The following GABRB1 variants were observed in gnomAD, a reference collection of about 807,000 sequenced individuals.
The protein encoded by GABRB1 is gamma-aminobutyric acid type A receptor subunit beta1.
A neutral mutation model predicts 51.6 loss-of-function variants in GABRB1; 17 were observed. The observed-to-expected ratio is 0.33, with a 90% CI of 0.23 to 0.49. The LOEUF (loss-of-function observed/expected upper bound fraction) is 0.49, where lower values mean the gene tolerates loss of function less well. Ranked by LOEUF, GABRB1 falls within the 20% of genes least tolerant of loss-of-function variation. The pLI is 0.99. For synonymous variants in GABRB1, 247 were observed against 218.9 expected (o/e 1.13, Z -1.14); for missense variants, 410 against 600.6 (o/e 0.68, Z 3.32).
chr4:47,278,931 G>T (rs1723178827), intron 4 of GABRB1, among the ~76,000 whole-genome samples: 2 of 152,144 alleles, frequency 1.3e-5, no homozygotes, highest in South Asian at 4.1e-4. Context: ...CAGTGCACAA[G>T]CTGTACTTGT....
At chr4:47,130,625 G>A (rs752025328) in intron 3 of GABRB1, among the ~76,000 whole-genome samples, 18 of 151,984 alleles carry the variant, frequency 1.2e-4, no homozygotes, top group African/African-American at 3.6e-4. Flanking sequence ...CAGAGGAATA[G>A]TACCTCTCTT....
At chr4:47,294,284 G>A (rs918147489) in intron 4 of GABRB1, among the ~76,000 whole-genome samples, 3 of 152,308 alleles carry the variant, frequency 2.0e-5, no homozygotes, top group African/African-American at 4.8e-5. Context: ...CACTGTGCCC[G>A]AGCTGAAGCA....
intron 4 of GABRB1, among the ~76,000 whole-genome samples, chr4:47,183,345 C>CATAT (rs57840134): frequency 0.043 from 5,371 of 124,174 alleles, 115 homozygotes; most frequent in Non-Finnish European, 0.051. Flanking sequence ...TGTGTGTGTG[C>CATAT]ATATATATAT....
chr4:47,300,065 G>T (rs996932884), intron 4 of GABRB1, among the ~76,000 whole-genome samples: 1 of 124,396 alleles, frequency 8.0e-6, no homozygotes, highest in African/African-American at 3.0e-5. Context: ...ACAGGAAGGG[G>T]AACATCACAT....
chr4:47,031,482 T>A, upstream of GABRB1: 1 of 622,494 alleles, frequency 1.6e-6, no homozygotes, highest in East Asian at 2.7e-5. Context: ...GGGATTGAAA[T>A]CTGTTGCCTG....
At chr4:47,049,334 C>A (rs1454458767) in intron 3 of GABRB1, among the ~76,000 whole-genome samples, 8 of 152,062 alleles carry the variant, frequency 5.3e-5, no homozygotes, top group Non-Finnish European at 7.4e-5. Context: ...CTAATGGGGC[C>A]GTACGTCAAC....
chr4:47,293,504 C>T (rs1280023808), intron 4 of GABRB1, among the ~76,000 whole-genome samples: 1 of 152,058 alleles, frequency 6.6e-6, no homozygotes, highest in Non-Finnish European at 1.5e-5. Flanking sequence ...TGAGGATTTT[C>T]AGGAGCACTC....
chr4:47,050,428 C>T (rs904382926), intron 3 of GABRB1, among the ~76,000 whole-genome samples: 8 of 139,012 alleles, frequency 5.8e-5, no homozygotes, highest in East Asian at 1.9e-4. Context: ...TATGTATATA[C>T]GTATATATAT....
At chr4:47,125,709 C>G (rs1473994392) in intron 3 of GABRB1, among the ~76,000 whole-genome samples, 4 of 147,464 alleles carry the variant, frequency 2.7e-5, no homozygotes, top group African/African-American at 9.9e-5. Context: ...GCGCCTGCCA[C>G]TACGCCCGGC....
chr4:47,378,964 C>T (rs1201621875), intron 5 of GABRB1, among the ~76,000 whole-genome samples: 1 of 152,122 alleles, frequency 6.6e-6, no homozygotes, highest in Non-Finnish European at 1.5e-5. Context: ...ACCAGAACTG[C>T]TTTTTCTGGC....
intron 1 of GABRB1, 71 bp downstream of exon 1, chr4:47,031,802 G>T (rs1415122049): frequency 6.6e-7 from 1 of 1,506,754 alleles, no homozygotes; most frequent in South Asian, 1.1e-5. Flanking sequence ...TTCTTTTTAC[G>T]TGTCTGCTGG....
At chr4:46,996,785 T>A (rs1261659063) in intron 1 of GABRB1, among the ~76,000 whole-genome samples, 1 of 152,152 alleles carries the variant, frequency 6.6e-6, no homozygotes, top group Non-Finnish European at 1.5e-5. Flanking sequence ...TTATCATATG[T>A]CCAAAGAGCT....
intron 3 of GABRB1, among the ~76,000 whole-genome samples, chr4:47,157,891 C>T (rs1717771103): frequency 6.6e-6 from 1 of 152,074 alleles, no homozygotes; most frequent in Admixed American, 6.6e-5. Context: ...AGGGCACTTG[C>T]TCCCCCTTAC....
At chr4:47,409,063 A>G (rs574708187) in intron 8 of GABRB1, among the ~76,000 whole-genome samples, 2 of 152,216 alleles carry the variant, frequency 1.3e-5, no homozygotes, top group Non-Finnish European at 2.9e-5. Flanking sequence ...TTGGGCTGCC[A>G]TGCACTCAAA....
In GABRB1 at chr4:47,362,928, T is replaced by A. The variant is rs115722415; in HGVS notation, c.545-40390T>A. On this transcript the variant is annotated intron_variant, in intron 5 of 8. Transcript: ENST00000295454. ...GTGTAAACAGATACTGCTAGTACAC[T>A]GTGAACATGCCATGAAGAGATATGT... is the stretch of plus-strand genomic sequence containing the variant. Among the ~76,000 whole-genome samples, 1,388 of 152,208 alleles carry A rather than the reference T, an allele frequency of 9.1e-3. 20 individuals carry two copies. The highest frequency in any genetic ancestry group is 0.032 in the African/African-American group (1,332 of 41,532).
intron 5 of GABRB1, among the ~76,000 whole-genome samples, chr4:47,371,863 A>C (rs981790873): frequency 1.3e-5 from 2 of 152,158 alleles, no homozygotes; most frequent in Non-Finnish European, 1.5e-5. Flanking sequence ...GATAGATGGC[A>C]AAAATTTTCT....
intron 3 of GABRB1, among the ~76,000 whole-genome samples, chr4:47,091,828 C>A (rs9291302): frequency 0.015 from 2,286 of 152,282 alleles, 50 homozygotes; most frequent in African/African-American, 0.052. Context: ...TCTGCCCTGG[C>A]TTTCTGCCCT....
intron 3 of GABRB1, among the ~76,000 whole-genome samples, chr4:47,047,851 A>G (rs1726166055): frequency 6.6e-6 from 1 of 152,144 alleles, no homozygotes; most frequent in African/African-American, 2.4e-5. Context: ...CTCTGAGACA[A>G]TCTTAACTTG....
At chr4:47,270,719 T>G (rs1330288658) in intron 4 of GABRB1, among the ~76,000 whole-genome samples, 1 of 151,898 alleles carries the variant, frequency 6.6e-6, no homozygotes, top group Non-Finnish European at 1.5e-5. Context: ...GGTACTCTTG[T>G]CTTCAAAAAT....
Sources: gnomAD v4.1 joint callset for allele counts (sites outside exome capture counted in the v4.1 genomes callset) on GRCh38, gnomAD v4.1.1 for gene constraint, MANE v1.5 for transcripts, NCBI Gene and HGNC (gene_info 2026-07-23, HGNC 2026-07-21) for gene names.